Variants in LINC00305 observed in about 807,000 individuals in gnomAD.
LINC00305 encodes long independently transcribed non-coding RNA 305.
intron 1 of LINC00305, among the ~76,000 whole-genome samples, chr18:64,148,239 C>G (rs1322134347): frequency 6.6e-6 from 1 of 152,002 alleles, no homozygotes; most frequent in Non-Finnish European, 1.5e-5. Context: ...TCATGTCTCT[C>G]TCTCTCTCTC....
rs116162787 is a variant in LINC00305 at position 64,125,580 on chromosome 18, A to G, written n.314+23195T>C. 2.5e-3 allele frequency among the ~76,000 whole-genome samples: 376 copies of G among 152,168 alleles called. 3 individuals are homozygous for G. Among genetic ancestry groups the G allele is most frequent in the African/African-American group, 8.1e-3 (337 of 41,506 alleles). ...CGCAATTTTTTTTTACTTAAAAAGG[A>G]AAATATATACATACATGTGTATCTT... On this transcript the variant is annotated intron_variant and non_coding_transcript_variant, in intron 1 of 3. Transcript: ENST00000666468.
chr18:64,091,358 G>C lies in LINC00305; in HGVS notation n.540+6476C>G, dbSNP rs568573950. On this transcript the variant is annotated intron_variant and non_coding_transcript_variant, in intron 3 of 3. Coordinates refer to ENST00000666468, the Ensembl canonical transcript of LINC00305. ...CATTGCCCACACAGTATGCAAATGG[G>C]GCAGCAAGGGTCTCTCTCTGCTCAC... 1.2e-3 allele frequency among the ~76,000 whole-genome samples: 180 copies of C among 152,246 alleles called. 1 individual carries two copies. Among genetic ancestry groups the C allele is most frequent in the African/African-American group, 4.1e-3 (169 of 41,520 alleles).
intron 1 of LINC00305, chr18:64,098,699 A>C (rs1027315055): frequency 5.0e-6 from 2 of 398,686 alleles, no homozygotes; most frequent in Non-Finnish European, 1.0e-5. Flanking sequence ...AAACACAATG[A>C]AAGTGAGTAA....
intron 1 of LINC00305, among the ~76,000 whole-genome samples, chr18:64,140,915 A>T (rs974650012): frequency 2.0e-5 from 3 of 152,034 alleles, no homozygotes; most frequent in Non-Finnish European, 4.4e-5. Flanking sequence ...CTGGCTTTGC[A>T]GGGGAGGAAG....
intron 1 of LINC00305, among the ~76,000 whole-genome samples, chr18:64,106,799 AAAATG>A (rs2051292771): frequency 6.6e-6 from 1 of 152,112 alleles, no homozygotes; most frequent in Non-Finnish European, 1.5e-5. Flanking sequence ...TAAGAAAAGA[AAAATG>A]AAACACAACT....
chr18:64,112,614 C>A (rs563407982), intron 1 of LINC00305, among the ~76,000 whole-genome samples: 2 of 152,136 alleles, frequency 1.3e-5, no homozygotes, highest in Non-Finnish European at 2.9e-5. Flanking sequence ...ACGGATTGGC[C>A]AGCATTTTAT....
intron 1 of LINC00305, among the ~76,000 whole-genome samples, chr18:64,140,400 G>C (rs2051456494): frequency 6.6e-6 from 1 of 152,036 alleles, no homozygotes; most frequent in Non-Finnish European, 1.5e-5. Flanking sequence ...GTTGAGACAG[G>C]GTTTCACCAT....
intron 3 of LINC00305, among the ~76,000 whole-genome samples, chr18:64,082,352 G>A (rs906183820): frequency 2.0e-5 from 3 of 151,874 alleles, no homozygotes; most frequent in African/African-American, 7.3e-5. Context: ...TTTCATCCAT[G>A]GCCCAACCAA....
chr18:64,121,665 T>A (rs558898338), intron 1 of LINC00305, among the ~76,000 whole-genome samples: 1 of 152,122 alleles, frequency 6.6e-6, no homozygotes, highest in Non-Finnish European at 1.5e-5. Context: ...CGGGCACAGG[T>A]ATTTTTTGAT....
chr18:64,092,486 C>G (rs367608873), intron 3 of LINC00305, among the ~76,000 whole-genome samples: 1 of 151,720 alleles, frequency 6.6e-6, no homozygotes, highest in African/African-American at 2.4e-5. Context: ...CGCTTGAACC[C>G]GGGAGGCAGA....
chr18:64,095,449 C>A (rs1783044859), intron 3 of LINC00305, among the ~76,000 whole-genome samples: 2 of 133,526 alleles, frequency 1.5e-5, no homozygotes, highest in South Asian at 2.1e-4. Flanking sequence ...AAATATAAGA[C>A]AAGAGGAGAT....
chr18:64,086,004 T>G (rs1446629510), intron 3 of LINC00305, among the ~76,000 whole-genome samples: 1 of 152,226 alleles, frequency 6.6e-6, no homozygotes, highest in Non-Finnish European at 1.5e-5. Flanking sequence ...AGCATACTGT[T>G]ACACACAGAA....
intron 1 of LINC00305, among the ~76,000 whole-genome samples, chr18:64,132,453 C>A (rs9949690): frequency 6.6e-6 from 1 of 152,058 alleles, no homozygotes; most frequent in African/African-American, 2.4e-5. Flanking sequence ...CTGTTTCAAG[C>A]GCTCTGCCGA....
rs1213805736 is a variant in LINC00305, at chr18:64,098,145, A to G, written n.379-150T>C. 2.0e-5 allele frequency: 7 copies of G among 353,870 alleles called. No individual in the cohort carries two copies. In the East Asian group the frequency reaches 5.2e-4, roughly 26 times the overall value. 21.9% of individuals were successfully genotyped at this position (353,870 alleles called of 1,614,324 possible). ...TTAAAGATAATACTAGAAATATAAAAGTTGAAACTATCCATCTAATCTGAA... is the reference window on the plus strand; with the variant it reads ...TTAAAGATAATACTAGAAATATAAAGGTTGAAACTATCCATCTAATCTGAA... On this transcript the variant is annotated intron_variant and non_coding_transcript_variant, in intron 2 of 3. Transcript: ENST00000666468.
chr18:64,147,552 T>C (rs1347012735), intron 1 of LINC00305, among the ~76,000 whole-genome samples: 1 of 152,202 alleles, frequency 6.6e-6, no homozygotes, highest in Non-Finnish European at 1.5e-5. Flanking sequence ...TTGTAACTCA[T>C]TTCATCTTGT....
intron 1 of LINC00305, among the ~76,000 whole-genome samples, chr18:64,144,956 G>A (rs913881008): frequency 2.4e-4 from 37 of 152,044 alleles, no homozygotes; most frequent in African/African-American, 7.5e-4. Flanking sequence ...GACACATGGG[G>A]GTCGCCTGTC....
intron 1 of LINC00305, among the ~76,000 whole-genome samples, chr18:64,106,286 C>T (rs2051290380): frequency 6.6e-6 from 1 of 152,178 alleles, no homozygotes; most frequent in South Asian, 2.1e-4. Flanking sequence ...TTCTGTAAAC[C>T]TGGGCATGTC....
chr18:64,093,006 T>C (rs1034469249), intron 3 of LINC00305, among the ~76,000 whole-genome samples: 1 of 152,210 alleles, frequency 6.6e-6, no homozygotes, highest in Non-Finnish European at 1.5e-5. Flanking sequence ...TTCATTATAA[T>C]GTTTTAAATG....
chr18:64,137,454 A>G (rs2051440222), intron 1 of LINC00305, among the ~76,000 whole-genome samples: 1 of 152,228 alleles, frequency 6.6e-6, no homozygotes, highest in Non-Finnish European at 1.5e-5. Flanking sequence ...CTGTCTGTCT[A>G]CTATTATTTG....
Sources: gnomAD v4.1 joint callset for allele counts (sites outside exome capture counted in the v4.1 genomes callset) on GRCh38, gnomAD v4.1.1 for gene constraint, MANE v1.5 for transcripts, NCBI Gene and HGNC (gene_info 2026-07-23, HGNC 2026-07-21) for gene names.